Variants in ACACA observed in about 807,000 individuals in gnomAD.
The protein encoded by ACACA is acetyl-CoA carboxylase 1.
Under a neutral mutation model 296.1 loss-of-function variants are expected in ACACA, and 103 were observed. That is an observed-to-expected ratio of 0.35 (90% CI 0.30 to 0.41). ACACA has a LOEUF of 0.41. Ranked by LOEUF, ACACA falls within the 10% of genes least tolerant of loss-of-function variation. The probability of loss-of-function intolerance (pLI) is 1.00; values close to 1 mark genes in which losing one functional copy is unlikely to be tolerated. For missense variants in ACACA, 1,554 were observed against 2,989.7 expected (o/e 0.52, Z 11.20); for synonymous variants, 953 against 1,038.6 (o/e 0.92, Z 1.58).
chr17:37,204,018 A>T (rs2078389200), intron 33 of ACACA, among the ~76,000 whole-genome samples: 1 of 152,124 alleles, frequency 6.6e-6, no homozygotes, highest in African/African-American at 2.4e-5. Flanking sequence ...CAAATTTACC[A>T]TTTTTTCCCC....
intron 2 of ACACA, among the ~76,000 whole-genome samples, chr17:37,336,007 T>G (rs1015586121): frequency 3.9e-5 from 6 of 152,142 alleles, no homozygotes; most frequent in African/African-American, 1.4e-4. Flanking sequence ...ATGGATGCCC[T>G]GGATTCTCCC....
At chr17:37,287,538 C>T (rs2082832427) in intron 3 of ACACA, among the ~76,000 whole-genome samples, 1 of 143,422 alleles carries the variant, frequency 7.0e-6, no homozygotes, top group South Asian at 2.2e-4. Flanking sequence ...TCTAGACCAG[C>T]TTGGCCAACA....
chr17:37,401,196 C>CTT (rs1234610912), intron 1 of ACACA, among the ~76,000 whole-genome samples: 50 of 134,336 alleles, frequency 3.7e-4, no homozygotes, highest in Admixed American at 1.7e-3. Context: ...TTTTGTTTTT[C>CTT]TTTTTTTTTT....
chr17:37,402,168 G>A (rs1157701413), intron 1 of ACACA, among the ~76,000 whole-genome samples: 1 of 152,132 alleles, frequency 6.6e-6, no homozygotes, highest in African/African-American at 2.4e-5. Flanking sequence ...CCTTTACAGA[G>A]ATATTTAGTG....
chr17:37,359,545 G>A (rs1010463284), intron 1 of ACACA, among the ~76,000 whole-genome samples: 1 of 152,142 alleles, frequency 6.6e-6, no homozygotes, highest in African/African-American at 2.4e-5. Context: ...AGGGGAGTGG[G>A]GGAAGCGGTC....
chr17:37,270,679 A>G, intron 10 of ACACA, 72 bp downstream of exon 10: 4 of 1,165,056 alleles, frequency 3.4e-6, no homozygotes, highest in Non-Finnish European at 5.1e-6. Context: ...CATCCAAATT[A>G]TAGTATGAGT....
In ACACA at chr17:37,193,651, C is replaced by T. The variant is rs963578332; in HGVS notation, c.4159-236G>A. The stretch of plus-strand genomic sequence containing the variant: ...AACCTAATTTTAGTATCTACCCTCT[C>T]CCAGGGGAAAAAAAATGTATGAATT... On this transcript the variant is annotated intron_variant, in intron 35 of 55. Transcript: ENST00000616317. Among the ~76,000 whole-genome samples the T allele has an allele frequency of 6.6e-5, 10 of 152,028 alleles. 1 individual carries two copies. The highest frequency in any genetic ancestry group is 2.4e-5 in the African/African-American group (1 of 41,390).
intron 52 of ACACA, among the ~76,000 whole-genome samples, chr17:37,101,974 A>T (rs77191468): frequency 1.4e-5 from 2 of 141,092 alleles, no homozygotes; most frequent in African/African-American, 5.1e-5. Context: ...AGGATCACAT[A>T]TCATAATCAC....
rs138217822 is a variant in ACACA at position 37,273,282 on chromosome 17, G to T, written c.1008+911C>A. Among the ~76,000 whole-genome samples the T allele has an allele frequency of 8.2e-3, 1,243 of 152,198 alleles. 11 individuals are homozygous for T. The highest frequency in any genetic ancestry group is 0.013 in the Non-Finnish European group (880 of 68,008). On this transcript the variant is annotated intron_variant, in intron 9 of 55. Transcript: ENST00000616317. Reference sequence around the variant, plus strand: ...TCTTTCATTATCTTTCATTATACCTGGAAGCATAACCAACACTTTAAACTA... The same window carrying T: ...TCTTTCATTATCTTTCATTATACCTTGAAGCATAACCAACACTTTAAACTA...
At chr17:37,111,167 C>A (rs554949747) in intron 52 of ACACA, among the ~76,000 whole-genome samples, 1 of 152,158 alleles carries the variant, frequency 6.6e-6, no homozygotes, top group South Asian at 2.1e-4. Context: ...ATGAAGTGAG[C>A]TGTCCAAAGA....
At chr17:37,359,915 A>AGAAGGG (rs904821873) in intron 1 of ACACA, among the ~76,000 whole-genome samples, 3 of 151,988 alleles carry the variant, frequency 2.0e-5, no homozygotes, top group Non-Finnish European at 4.4e-5. Context: ...AAGCTCAGTA[A>AGAAGGG]GAAGGGGAAT....
chr17:37,094,088 G>A (rs1476462003), intron 54 of ACACA, among the ~76,000 whole-genome samples: 1 of 152,140 alleles, frequency 6.6e-6, no homozygotes, highest in African/African-American at 2.4e-5. Flanking sequence ...ACCATGCCCA[G>A]GATACAAATG....
intron 24 of ACACA, among the ~76,000 whole-genome samples, chr17:37,238,625 TTATTGAAATGTCAATC>T (rs1422829282): frequency 6.6e-6 from 1 of 152,218 alleles, no homozygotes; most frequent in African/African-American, 2.4e-5. Context: ...AACAGAATTT[TTATTGAAATGTCAATC>T]TACAGATGAA....
intron 43 of ACACA, among the ~76,000 whole-genome samples, chr17:37,154,495 CT>C (rs376440026): frequency 1.1e-4 from 16 of 149,906 alleles, no homozygotes; most frequent in African/African-American, 2.5e-4. Context: ...GGACAATTAA[CT>C]TTTTTTTTTC....
chr17:37,283,212 T>C (rs2082623665), intron 5 of ACACA, 55 bp downstream of exon 5: 3 of 1,607,544 alleles, frequency 1.9e-6, no homozygotes, highest in Non-Finnish European at 2.6e-6. Flanking sequence ...TTAAAGGCTG[T>C]GCTGTTCCAT....
rs1273138717 is a variant in ACACA at position 37,097,856 on chromosome 17, G to A, written c.6694C>T (p.Arg2232Trp). ...CTAATAACACCCTTCTCCTGCATCCGGCCTGGTGTGTCGTGCAAGTCAGCA... is the reference window on the plus strand; with the variant it reads ...CTAATAACACCCTTCTCCTGCATCCAGCCTGGTGTGTCGTGCAAGTCAGCA... ...QFADLHDTPGRMQEKGVISDI... is the reference protein window; with the variant it reads ...QFADLHDTPGWMQEKGVISDI... Residue 2232 changes from arginine to tryptophan, a missense_variant, in exon 53 of 56, where the codon CGG (arginine) becomes TGG (tryptophan). Transcript: ENST00000616317. The surrounding 1 kb of genome is among the most constrained non-coding windows in gnomAD (Gnocchi z 4.8). 1 of 1,613,998 alleles carries A rather than the reference G, an allele frequency of 6.2e-7. No individual in the cohort carries two copies. The highest frequency in any genetic ancestry group is 8.5e-7 in the Non-Finnish European group (1 of 1,180,036).
At chr17:37,254,001 A>G (rs1038753616) in intron 14 of ACACA, among the ~76,000 whole-genome samples, 2 of 152,192 alleles carry the variant, frequency 1.3e-5, no homozygotes, top group Non-Finnish European at 2.9e-5. Flanking sequence ...TTTTAGCAGA[A>G]TTTCAAATAC....
intron 33 of ACACA, among the ~76,000 whole-genome samples, chr17:37,201,391 A>C (rs2078241367): frequency 6.6e-6 from 1 of 152,054 alleles, no homozygotes. Context: ...CCGAGATTGC[A>C]TCACTGTACT....
chr17:37,194,754 G>A (rs2145152368), intron 35 of ACACA, among the ~76,000 whole-genome samples: 1 of 152,256 alleles, frequency 6.6e-6, no homozygotes, highest in East Asian at 1.9e-4. Flanking sequence ...ACTAAAGCTT[G>A]CACAGTTAAT....
Sources: gnomAD v4.1 joint callset for allele counts (sites outside exome capture counted in the v4.1 genomes callset) on GRCh38, gnomAD v4.1.1 for gene constraint, Gnocchi (gnomAD v3.1) non-coding constraint, MANE v1.5 for transcripts, NCBI Gene and HGNC (gene_info 2026-07-23, HGNC 2026-07-21) for gene names.